UBQLN1: variants seen among roughly 807,000 people sequenced by gnomAD.
The protein encoded by UBQLN1 is ubiquilin-1.
Under a neutral mutation model 65.4 loss-of-function variants are expected in UBQLN1, and 13 were observed. That is an observed-to-expected ratio of 0.20 (90% CI 0.13 to 0.32). The LOEUF (loss-of-function observed/expected upper bound fraction) is 0.32. UBQLN1 is among the 10% of genes least tolerant of loss of function. The probability of loss-of-function intolerance (pLI) is 1.00; values close to 1 mark genes in which losing one functional copy is unlikely to be tolerated. For missense variants in UBQLN1, 561 were observed against 724.0 expected (o/e 0.77, Z 2.58); for synonymous variants, 267 against 247.8 (o/e 1.08, Z -0.73).
chr9:83,680,652 C>T (rs1831924438), intron 3 of UBQLN1, among the ~76,000 whole-genome samples: 1 of 152,210 alleles, frequency 6.6e-6, no homozygotes, highest in Non-Finnish European at 1.5e-5. Flanking sequence ...CCCCCACATA[C>T]CCATACCTTG....
intron 7 of UBQLN1, chr9:83,668,084 T>C (rs1446240039): frequency 2.0e-6 from 2 of 985,256 alleles, no homozygotes; most frequent in Admixed American, 1.2e-4. Context: ...AATTGAAGCA[T>C]TTAATACTAA....
At chr9:83,691,499 G>A (rs1832128844) in intron 1 of UBQLN1, among the ~76,000 whole-genome samples, 1 of 152,214 alleles carries the variant, frequency 6.6e-6, no homozygotes, top group Admixed American at 6.5e-5. Flanking sequence ...ATCAGTACCT[G>A]AAGGATAATC....
intron 4 of UBQLN1, among the ~76,000 whole-genome samples, chr9:83,678,825 C>T (rs1347182404): frequency 6.6e-6 from 1 of 152,162 alleles, no homozygotes; most frequent in Non-Finnish European, 1.5e-5. Flanking sequence ...CACACCCATT[C>T]TCCTGCCTCA....
At chr9:83,682,352 G>T (rs542100781) in intron 3 of UBQLN1, among the ~76,000 whole-genome samples, 2 of 151,856 alleles carry the variant, frequency 1.3e-5, no homozygotes, top group Non-Finnish European at 2.9e-5. Flanking sequence ...AGGCACAGTG[G>T]CTCTCATCTG....
chr9:83,704,933 C>A (rs1347872406), intron 1 of UBQLN1, among the ~76,000 whole-genome samples: 2 of 151,782 alleles, frequency 1.3e-5, no homozygotes, highest in Admixed American at 6.6e-5. Context: ...ATCCTCACAG[C>A]TATAACATCA....
rs1001057942 is a variant in UBQLN1 at position 83,707,927 on chromosome 9, A to G, written c.-248T>C. On this transcript the variant is annotated 5_prime_UTR_variant, in exon 1 of 11. Transcript: ENST00000376395. Reference sequence around the variant, plus strand: ...GTTCAGGCGCCGCTCGCTCACACCGACATCCGCAGCAGCCACCGCTTCCTC... The same window carrying G: ...GTTCAGGCGCCGCTCGCTCACACCGGCATCCGCAGCAGCCACCGCTTCCTC... The G allele has an allele frequency of 3.9e-6, 2 of 514,874 alleles. No homozygotes were observed. Among genetic ancestry groups the G allele is most frequent in the East Asian group, 3.5e-5 (1 of 28,394 alleles). The allele number at this position is 514,874 out of a possible 1,614,324, so 31.9% of individuals were successfully genotyped here.
intron 3 of UBQLN1, 125 bp downstream of exon 3, chr9:83,682,824 GTT>G (rs545821772): frequency 3.1e-5 from 13 of 413,922 alleles, no homozygotes; most frequent in South Asian, 1.2e-4. Flanking sequence ...AGGAATGTAT[GTT>G]TTTTTTTTTT....
At chr9:83,672,700 G>A (rs1050899338) in intron 6 of UBQLN1, among the ~76,000 whole-genome samples, 23 of 152,182 alleles carry the variant, frequency 1.5e-4, no homozygotes, top group African/African-American at 5.1e-4. Context: ...AATATTGTGA[G>A]AATTATCAAA....
At chr9:83,681,633 A>G (rs977861524) in intron 3 of UBQLN1, among the ~76,000 whole-genome samples, 1 of 152,234 alleles carries the variant, frequency 6.6e-6, no homozygotes, top group African/African-American at 2.4e-5. Flanking sequence ...ACAAAAATAA[A>G]TGTATTAATG....
rs150676084 is a variant in UBQLN1 at position 83,672,847 on chromosome 9, C to G, written c.1106-3520G>C. Among the ~76,000 whole-genome samples, 849 of 152,316 alleles carry G rather than the reference C, an allele frequency of 5.6e-3. 14 individuals carry two copies. The highest frequency in any genetic ancestry group is 3.6e-3 in the Non-Finnish European group (245 of 68,040). ...TGAAGCACAACAAAATGAGGTATAT[C>G]TGTATTCTAAGATAGGCTGGCAAAT... On this transcript the variant is annotated intron_variant, in intron 6 of 10. Coordinates refer to ENST00000376395, the MANE Select transcript of UBQLN1 (RefSeq NM_013438.5).
chr9:83,697,190 C>T (rs979412393), intron 1 of UBQLN1, among the ~76,000 whole-genome samples: 5 of 150,398 alleles, frequency 3.3e-5, no homozygotes, highest in African/African-American at 1.2e-4. Flanking sequence ...CAGTCTACTA[C>T]TTAATATGTG....
At chr9:83,705,701 G>A (rs575413732) in intron 1 of UBQLN1, among the ~76,000 whole-genome samples, 1 of 152,082 alleles carries the variant, frequency 6.6e-6, no homozygotes, top group Admixed American at 6.5e-5. Flanking sequence ...ACTGCAAACA[G>A]CCCAGGTGAC....
intron 1 of UBQLN1, among the ~76,000 whole-genome samples, chr9:83,705,262 CG>C (rs1293467257): frequency 2.0e-4 from 7 of 34,408 alleles, no homozygotes; most frequent in African/African-American, 6.0e-4. Context: ...TTTTTTGAAA[CG>C]GAGTTTCACT....
chr9:83,690,879 T>C (rs1219312010), intron 1 of UBQLN1, among the ~76,000 whole-genome samples: 2 of 152,218 alleles, frequency 1.3e-5, no homozygotes, highest in Non-Finnish European at 2.9e-5. Context: ...GGCTCACGCT[T>C]GTAATCCCAA....
rs761241164 is a variant in UBQLN1 at position 83,707,504 on chromosome 9, T to C, written c.176A>G (p.Gln59Arg). 7 of 1,607,836 alleles carry C rather than the reference T, an allele frequency of 4.4e-6. No individual in the cohort carries two copies. The highest frequency in any genetic ancestry group is 5.9e-6 in the Non-Finnish European group (7 of 1,177,506). The change falls in exon 1 of 11, where the codon CAG becomes CGG. Residue 59 changes from glutamine (Q) to arginine (R), a missense_variant. Physicochemically the swap from Gln to Arg is conservative, Grantham distance 43. Coordinates refer to ENST00000376395, the MANE Select transcript of UBQLN1 (RefSeq NM_013438.5). ...EFAVPENSSV[Q>R]QFKEEISKRF... is the part of the protein sequence containing the mutation. ...CCGAGCCCCAGGCGGCCTCACCTGC[T>C]GGACGGAGCTATTCTCGGGCACGGC...
At chr9:83,668,520 C>T in intron 7 of UBQLN1, 3 of 985,380 alleles carry the variant, frequency 3.0e-6, no homozygotes, top group Non-Finnish European at 3.6e-6. Flanking sequence ...ACGCAATTAT[C>T]TCAAAATCTC....
intron 6 of UBQLN1, among the ~76,000 whole-genome samples, chr9:83,673,581 C>T (rs1376371775): frequency 5.8e-5 from 5 of 86,846 alleles, no homozygotes; most frequent in African/African-American, 2.9e-4. Context: ...AAAAAAAAAA[C>T]TGCGCTTACG....
intron 1 of UBQLN1, among the ~76,000 whole-genome samples, chr9:83,704,774 C>T (rs1239509099): frequency 2.9e-5 from 4 of 138,184 alleles, no homozygotes; most frequent in African/African-American, 1.1e-4. Flanking sequence ...TGCAGTGAGC[C>T]GACACCATGC....
chr9:83,706,289 G>C (rs1832405258), intron 1 of UBQLN1, among the ~76,000 whole-genome samples: 1 of 152,166 alleles, frequency 6.6e-6, no homozygotes, highest in South Asian at 2.1e-4. Context: ...GCTAATTGTA[G>C]ATGATGGACA....
Sources: gnomAD v4.1 joint callset for allele counts (sites outside exome capture counted in the v4.1 genomes callset) on GRCh38, gnomAD v4.1.1 for gene constraint, MANE v1.5 for transcripts, NCBI Gene and HGNC (gene_info 2026-07-23, HGNC 2026-07-21) for gene names.